The following FGF10 variants were observed in gnomAD, a reference collection of about 807,000 sequenced individuals.
FGF10 encodes fibroblast growth factor 10.
A neutral mutation model predicts 19.8 loss-of-function variants in FGF10; 2 were observed. The observed-to-expected ratio is 0.10, with a 90% CI of 0.04 to 0.32. The LOEUF (loss-of-function observed/expected upper bound fraction) is 0.32, where lower values mean the gene tolerates loss of function less well. Among genes scored for constraint, FGF10 ranks in the 10% least tolerant of loss-of-function variants. The pLI, the probability that FGF10 is intolerant of heterozygous loss-of-function variation, is 1.00. For missense variants in FGF10, 191 were observed against 246.3 expected, an observed-to-expected ratio of 0.78 and a Z score of 1.50; for synonymous variants, 112 against 94.0, an observed-to-expected ratio of 1.19 and a Z score of -1.10.
chr5:44,387,317 AAGAAAGAAAGAAGGGAAAGAG>A (rs1376994054), intron 1 of FGF10, among the ~76,000 whole-genome samples: 1 of 152,190 alleles, frequency 6.6e-6, no homozygotes, highest in East Asian at 1.9e-4. Flanking sequence ...ACACCCCTGC[AAGAAAGAAAGAAGGGAAAGAG>A]AGAAAGAAGG....
At position 44,366,336 on chromosome 5, in the gene FGF10, A is replaced by G. The variant is rs1741614263; in HGVS notation, c.325+22022T>C. On this transcript the variant is annotated intron_variant, in intron 1 of 2. Coordinates refer to ENST00000264664, the MANE Select transcript of FGF10 (RefSeq NM_004465.2). ...TATATTGTCAATGAAAATTTTTTTT[A>G]AAGGCATCCTGCATTTTCACAATTT... Among the ~76,000 whole-genome samples the G allele has an allele frequency of 1.3e-5, 2 of 151,686 alleles. 1 individual carries two copies. The highest frequency in any genetic ancestry group is 4.2e-4 in the South Asian group (2 of 4,816).
At chr5:44,342,127 C>A (rs1171857904) in intron 1 of FGF10, among the ~76,000 whole-genome samples, 1 of 151,948 alleles carries the variant, frequency 6.6e-6, no homozygotes, top group Non-Finnish European at 1.5e-5. Context: ...GTCCATGCTA[C>A]CACGTATTCC....
intron 1 of FGF10, among the ~76,000 whole-genome samples, chr5:44,319,940 T>A (rs1407902763): frequency 6.6e-6 from 1 of 152,126 alleles, no homozygotes; most frequent in African/African-American, 2.4e-5. Context: ...TGAAGCTCCA[T>A]CTGTATTTGC....
rs568382380 is a variant in FGF10, at chr5:44,346,602, A to G, written c.326-36072T>C. Among the ~76,000 whole-genome samples the G allele has an allele frequency of 2.0e-5, 3 of 151,694 alleles. No homozygotes were observed. The East Asian group carries it at 5.9e-4, about 30-fold the overall frequency. ...TGATTTCATTCTTCAGAACTCATGC[A>G]CTCTGCCTGAGCTTTATTTCCTTGA... is the stretch of plus-strand genomic sequence containing the variant. On this transcript the variant is annotated intron_variant, in intron 1 of 2. Transcript: ENST00000264664.
intron 1 of FGF10, among the ~76,000 whole-genome samples, chr5:44,376,248 T>A (rs1741852742): frequency 1.3e-5 from 2 of 151,948 alleles, no homozygotes; most frequent in South Asian, 4.1e-4. Flanking sequence ...GTAACTTGGC[T>A]ACGATCACAC....
At chr5:44,314,509 G>C (rs990348572) in intron 1 of FGF10, among the ~76,000 whole-genome samples, 2 of 152,040 alleles carry the variant, frequency 1.3e-5, no homozygotes, top group African/African-American at 4.8e-5. Context: ...ATTACTTTGC[G>C]AATGTTCCCT....
intron 1 of FGF10, among the ~76,000 whole-genome samples, chr5:44,364,161 C>A (rs1326400246): frequency 6.6e-6 from 1 of 151,800 alleles, no homozygotes; most frequent in Non-Finnish European, 1.5e-5. Context: ...AATAGCATTT[C>A]TTACTGTGAC....
At chr5:44,376,490 CAAAAAAAAA>C (rs764913349) in intron 1 of FGF10, among the ~76,000 whole-genome samples, 1 of 34,548 alleles carries the variant, frequency 2.9e-5, no homozygotes, top group Admixed American at 4.4e-4. Flanking sequence ...ATACAAATGC[CAAAAAAAAA>C]AAAAAAAAAA....
In FGF10 at chr5:44,304,860, A is replaced by G; in HGVS notation, c.*135T>C. 2.4e-6 allele frequency: 2 copies of G among 838,100 alleles called. No homozygotes were observed. Among genetic ancestry groups the G allele is most frequent in the Non-Finnish European group, 4.0e-6 (2 of 496,670 alleles). 51.9% of individuals were successfully genotyped at this position (838,100 alleles called of 1,614,324 possible). A position where few individuals can be genotyped will look rare whatever the true frequency, so the allele number is the denominator to read the frequency against. On this transcript the variant is annotated 3_prime_UTR_variant, in exon 3 of 3. Transcript: ENST00000264664. Reference sequence around the variant, plus strand: ...CAGCAGTGAATACAAAAACCTTCAAAGGCTGGCTTTCTTTTAAGCAAGCAG... The same window carrying G: ...CAGCAGTGAATACAAAAACCTTCAAGGGCTGGCTTTCTTTTAAGCAAGCAG...
At chr5:44,359,430 C>T (rs948993582) in intron 1 of FGF10, among the ~76,000 whole-genome samples, 1 of 151,414 alleles carries the variant, frequency 6.6e-6, no homozygotes, top group African/African-American at 2.4e-5. Context: ...ATCACTGAAT[C>T]TCAAAAACTT....
At chr5:44,327,160 C>A (rs889248201) in intron 1 of FGF10, among the ~76,000 whole-genome samples, 1 of 152,106 alleles carries the variant, frequency 6.6e-6, no homozygotes, top group African/African-American at 2.4e-5. Flanking sequence ...ATATTCAACT[C>A]AAAATAATAA....
intron 1 of FGF10, among the ~76,000 whole-genome samples, chr5:44,333,798 G>A (rs1740789019): frequency 6.6e-6 from 1 of 152,124 alleles, no homozygotes; most frequent in African/African-American, 2.4e-5. Context: ...ATGTGAGGCT[G>A]CCAGTTTGAG....
intron 1 of FGF10, among the ~76,000 whole-genome samples, chr5:44,375,099 T>C (rs1406262618): frequency 6.6e-6 from 1 of 152,176 alleles, no homozygotes; most frequent in Non-Finnish European, 1.5e-5. Flanking sequence ...TCTAAGTAAG[T>C]TGACCAAGAT....
At position 44,388,373 on chromosome 5, in the gene FGF10, CCTT is replaced by C; in HGVS notation, c.307_309del (p.Lys103del). 1 of 1,613,384 alleles carries C rather than the reference CCTT, an allele frequency of 6.2e-7. No individual in the cohort carries two copies. ...TGTTACTTACTGTACGGGCAGTTCT[CCTT>C]CTTGGTCCCGCTGACCTTCCCGTTC... is the stretch of plus-strand genomic sequence containing the variant. On this transcript the variant is annotated inframe_deletion, in exon 1 of 3. Transcript: ENST00000264664.
At chr5:44,356,219 G>T (rs868015041) in intron 1 of FGF10, among the ~76,000 whole-genome samples, 10 of 151,310 alleles carry the variant, frequency 6.6e-5, no homozygotes, top group African/African-American at 2.4e-4. Flanking sequence ...GGTTCCCGTG[G>T]GTAATATCTA....
intron 1 of FGF10, among the ~76,000 whole-genome samples, chr5:44,382,194 C>T (rs778211386): frequency 3.9e-5 from 6 of 152,128 alleles, no homozygotes. Flanking sequence ...TCCAGTTGTC[C>T]ACCTTACATG....
chr5:44,364,880 T>C (rs781506005), intron 1 of FGF10, among the ~76,000 whole-genome samples: 2 of 151,904 alleles, frequency 1.3e-5, no homozygotes, highest in African/African-American at 2.4e-5. Context: ...ACATAGAATA[T>C]GTAAAGATTT....
At chr5:44,340,250 A>T (rs1232244599) in intron 1 of FGF10, among the ~76,000 whole-genome samples, 4 of 152,078 alleles carry the variant, frequency 2.6e-5, no homozygotes, top group Admixed American at 2.0e-4. Context: ...AATGAACTGA[A>T]AGTAGCCCAA....
At chr5:44,316,419 T>C (rs991863683) in intron 1 of FGF10, among the ~76,000 whole-genome samples, 6 of 152,148 alleles carry the variant, frequency 3.9e-5, no homozygotes, top group African/African-American at 4.8e-5. Flanking sequence ...TTCTCAAATA[T>C]GAACGTGCAT....
Sources: allele counts gnomAD v4.1 joint callset (sites outside exome capture counted in the v4.1 genomes callset), GRCh38; gene constraint gnomAD v4.1.1; transcripts MANE v1.5; gene names NCBI Gene and HGNC (gene_info 2026-07-23, HGNC 2026-07-21).